TIGD5: variants seen among roughly 807,000 people sequenced by gnomAD.
The protein encoded by TIGD5 is tigger transposable element derived 5.
In TIGD5, 24 loss-of-function variants were observed where a neutral mutation model predicts 28.8. The observed-to-expected ratio is 0.83, with a 90% CI of 0.60 to 1.17. The LOEUF (loss-of-function observed/expected upper bound fraction) is 1.17. Ranked by LOEUF, TIGD5 falls within the 50% of genes most tolerant of loss-of-function variation. The pLI is 0.00. For synonymous variants in TIGD5, 538 were observed against 430.5 expected (o/e 1.25, Z -3.09); for missense variants, 922 against 911.4 (o/e 1.01, Z -0.15).
chr8:143,599,040 G>A lies in TIGD5; in HGVS notation c.1137G>A (p.Val379=). ...CCCTGGACAGCGAGGATGCCCCCGT[G>A]CGGTGCAGGCCGGAGCCCCTCGGTC... ...MPALDSEDAP[V]RCRPEPLGPP... is the part of the protein sequence containing the mutation. The change falls in exon 1 of 1, where the codon GTG becomes GTA. Residue 379 remains valine, a synonymous_variant. Coordinates refer to ENST00000504548, the MANE Select transcript of TIGD5 (RefSeq NM_032862.5). 6.4e-7 allele frequency: 1 copy of A among 1,570,400 alleles called. No individual in the cohort carries two copies. Among genetic ancestry groups the A allele is most frequent in the African/African-American group, 1.3e-5 (1 of 74,272 alleles).
Position 143,600,182 on chromosome 8 carries a change from G to C in TIGD5, c.*350G>C. On this transcript the variant is annotated 3_prime_UTR_variant, in exon 1 of 1. Coordinates refer to ENST00000504548, the MANE Select transcript of TIGD5 (RefSeq NM_032862.5). ...CCTGCACCAGTCACATGCACTGGAC[G>C]AGGGCCGAAACTCCTGTCTGCTATC... 1 of 298,160 alleles carries C rather than the reference G, an allele frequency of 3.4e-6. No homozygotes were observed. Among genetic ancestry groups the C allele is most frequent in the Non-Finnish European group, 6.2e-6 (1 of 161,724 alleles). 18.5% of individuals were successfully genotyped at this position (298,160 alleles called of 1,614,324 possible).
At position 143,602,916 on chromosome 8, in the gene TIGD5, G is replaced by C. The variant is rs941544497; in HGVS notation, c.*3084G>C. ...GACGAGGCCACTGCCTTGGCCCAAG[G>C]ACCTGCAGGCTTGGGGGACCCCCTC... On this transcript the variant is annotated 3_prime_UTR_variant, in exon 1 of 1. Coordinates refer to ENST00000504548, the MANE Select transcript of TIGD5 (RefSeq NM_032862.5). 2.0e-5 allele frequency: 3 copies of C among 152,302 alleles called. No individual in the cohort carries two copies. The highest frequency in any genetic ancestry group is 4.4e-5 in the Non-Finnish European group (3 of 68,082). 9.4% of individuals were successfully genotyped at this position (152,302 alleles called of 1,614,324 possible).
In TIGD5 at chr8:143,599,530, G is replaced by A. The variant is rs776016193; in HGVS notation, c.1627G>A (p.Glu543Lys). ...CCTGGACGATGATGGGGGTCCGCCC[G>A]AGGGCTGCAGGGAGGAGGTGGGCCC... is the stretch of plus-strand genomic sequence containing the variant. Reference protein sequence around the residue: ...LHLDDDGGPPEGCREEVGPAL... With the variant: ...LHLDDDGGPPKGCREEVGPAL... Residue 543 changes from glutamate (E) to lysine (K), a missense_variant, in exon 1 of 1, where the codon GAG becomes AAG. Glu to Lys is a moderately conservative substitution (Grantham distance 56). Coordinates refer to ENST00000504548, the MANE Select transcript of TIGD5 (RefSeq NM_032862.5). The A allele has an allele frequency of 5.7e-6, 9 of 1,581,168 alleles. No homozygotes were observed. In the South Asian group the frequency reaches 8.0e-5, roughly 14 times the overall value.
Position 143,598,605 on chromosome 8 carries a change from G to A in TIGD5, c.702G>A (p.Glu234=). 1.4e-6 allele frequency: 2 copies of A among 1,424,782 alleles called. No homozygotes were observed. The highest frequency in any genetic ancestry group is 6.0e-5 in the East Asian group (2 of 33,394). The allele number at this position is 1,424,782 out of a possible 1,614,324, so 88.3% of individuals were successfully genotyped here. The stretch of plus-strand genomic sequence containing the variant: ...CGGCCGAGGGCGGCTACGGGGACGA[G>A]CAGATTTACAGCGCCAGCGTCACCG... ...PPPAEGGYGD[E]QIYSASVTGL... The change falls in exon 1 of 1, where the codon GAG becomes GAA. Residue 234 remains glutamate, a synonymous_variant. Coordinates refer to ENST00000504548, the MANE Select transcript of TIGD5 (RefSeq NM_032862.5). The surrounding 1 kb of genome is among the most constrained non-coding windows in gnomAD (Gnocchi z 6.6).
rs774032055 is a variant in TIGD5, at chr8:143,599,373, C to T, written c.1470C>T (p.Gly490=). The change falls in exon 1 of 1, where the codon GGC becomes GGT. Residue 490 remains glycine, a synonymous_variant. Transcript: ENST00000504548. ...GLRAAFEPRP[G]EDSAGQPAQA... The stretch of plus-strand genomic sequence containing the variant: ...GGGCTGCCTTCGAGCCCCGGCCCGG[C>T]GAGGACAGTGCTGGGCAGCCGGCCC... 14 of 1,572,452 alleles carry T rather than the reference C, an allele frequency of 8.9e-6. No individual in the cohort carries two copies. Among genetic ancestry groups the T allele is most frequent in the East Asian group, 4.7e-5 (2 of 42,422 alleles).
rs1422142957 is a variant in TIGD5 at position 143,600,754 on chromosome 8, G to A, written c.*922G>A. 2 of 152,324 alleles carry A rather than the reference G, an allele frequency of 1.3e-5. No homozygotes were observed. The highest frequency in any genetic ancestry group is 1.9e-4 in the East Asian group (1 of 5,194). 9.4% of individuals were successfully genotyped at this position (152,324 alleles called of 1,614,324 possible). On this transcript the variant is annotated 3_prime_UTR_variant, in exon 1 of 1. Coordinates refer to ENST00000504548, the MANE Select transcript of TIGD5 (RefSeq NM_032862.5). ...CCTCAGACTTTTCTGCCTCTCCTGG[G>A]ACTGCCAAGGATGTGGCTGACAAGC...
rs530101458 is a variant in TIGD5, at chr8:143,599,480, C to A, written c.1577C>A (p.Pro526Gln). The change falls in exon 1 of 1, where the codon CCG becomes CAG. Residue 526 changes from proline to glutamine, a missense_variant. Physicochemically the swap from Pro to Gln is moderately conservative, Grantham distance 76 (BLOSUM62 -1). Coordinates refer to ENST00000504548, the MANE Select transcript of TIGD5 (RefSeq NM_032862.5). ...LAALAYKCLA[P>Q]EEVAEWLHLD... Reference sequence around the variant, plus strand: ...GCTCTGGCCTACAAGTGCCTGGCTCCGGAGGAGGTTGCGGAGTGGCTGCAC... The same window carrying A: ...GCTCTGGCCTACAAGTGCCTGGCTCAGGAGGAGGTTGCGGAGTGGCTGCAC... 11 of 1,592,242 alleles carry A rather than the reference C, an allele frequency of 6.9e-6. No individual in the cohort carries two copies. The African/African-American group carries it at 1.2e-4, about 17-fold the overall frequency.
chr8:143,599,979 G>A lies in TIGD5; in HGVS notation c.*147G>A. On this transcript the variant is annotated 3_prime_UTR_variant, in exon 1 of 1. Coordinates refer to ENST00000504548, the MANE Select transcript of TIGD5 (RefSeq NM_032862.5). ...AATCCAAATCCAGCATGGCTTGGAG[G>A]AGCTCTGTTGGTGAGAGGTCGCCCT... 1 of 942,760 alleles carries A rather than the reference G, an allele frequency of 1.1e-6. No individual in the cohort carries two copies. Among genetic ancestry groups the A allele is most frequent in the Non-Finnish European group, 1.4e-6 (1 of 703,568 alleles). 58.4% of individuals were successfully genotyped at this position (942,760 alleles called of 1,614,324 possible). A position where few individuals can be genotyped will look rare whatever the true frequency, so the allele number is the denominator to read the frequency against.
chr8:143,598,071 C>T lies in TIGD5; in HGVS notation c.168C>T (p.Tyr56=). 1.3e-6 allele frequency: 2 copies of T among 1,503,826 alleles called. No homozygotes were observed. The highest frequency in any genetic ancestry group is 1.8e-6 in the Non-Finnish European group (2 of 1,131,788). 93.2% of individuals were successfully genotyped at this position (1,503,826 alleles called of 1,614,324 possible). A position where few individuals can be genotyped will look rare whatever the true frequency, so the allele number is the denominator to read the frequency against. Residue 56 remains tyrosine, a synonymous_variant, in exon 1 of 1, where the codon TAC becomes TAT. Coordinates refer to ENST00000504548, the MANE Select transcript of TIGD5 (RefSeq NM_032862.5). This position sits in a 1 kb window ranked among gnomAD's most constrained non-coding sequence, Gnocchi z 6.6. ...VAVKMAFRKA[Y]SIKDKLQAIE... The stretch of plus-strand genomic sequence containing the variant: ...TGAAGATGGCCTTCCGCAAGGCCTA[C>T]TCCATCAAGGACAAGCTGCAGGCCA...
chr8:143,598,203 G>A lies in TIGD5; in HGVS notation c.300G>A (p.Trp100Ter), dbSNP rs369540104. The change falls in exon 1 of 1, where the codon TGG becomes TGA. Residue 100 changes from tryptophan to a stop codon, truncating the protein, a stop_gained. Coordinates refer to ENST00000504548, the MANE Select transcript of TIGD5 (RefSeq NM_032862.5). LOFTEE classifies it high-confidence loss of function. This position sits in a 1 kb window ranked among gnomAD's most constrained non-coding sequence, Gnocchi z 6.6. ...TCAAGGACGAGCCCAAGCTGCGCTG[G>A]TTCCTGGAGCAGCTGGGCGGTGAGG... ...GWLKDEPKLR[W>*]FLEQLGGEVG... 21 of 1,607,358 alleles carry A rather than the reference G, an allele frequency of 1.3e-5. No individual in the cohort carries two copies. Among genetic ancestry groups the A allele is most frequent in the Non-Finnish European group, 1.7e-5 (20 of 1,177,832 alleles).
Position 143,598,860 on chromosome 8 carries a change from C to A in TIGD5, c.957C>A (p.Pro319=). Residue 319 remains proline (P), a synonymous_variant, in exon 1 of 1, where the codon CCC becomes CCA. Coordinates refer to ENST00000504548, the MANE Select transcript of TIGD5 (RefSeq NM_032862.5). This position sits in a 1 kb window ranked among gnomAD's most constrained non-coding sequence, Gnocchi z 6.6. ...DKFPASYRYS[P]DAWLSRPLLR... Reference sequence around the variant, plus strand: ...TCCCGGCCTCCTACCGCTACAGCCCCGACGCCTGGCTCAGCCGCCCGCTGC... The same window carrying A: ...TCCCGGCCTCCTACCGCTACAGCCCAGACGCCTGGCTCAGCCGCCCGCTGC... 1 of 1,600,428 alleles carries A rather than the reference C, an allele frequency of 6.2e-7. No individual in the cohort carries two copies.
Position 143,598,233 on chromosome 8 carries a change from C to T in TIGD5, c.330C>T (p.Gly110=). 6.2e-7 allele frequency: 1 copy of T among 1,608,352 alleles called. No homozygotes were observed. The highest frequency in any genetic ancestry group is 2.3e-5 in the East Asian group (1 of 44,374). ...WFLEQLGGEV[G]TQRKKMRLAN... is the part of the protein sequence containing the mutation. ...TGGAGCAGCTGGGCGGTGAGGTGGGCACTCAGCGCAAGAAGATGCGGCTGG... is the reference window on the plus strand; with the variant it reads ...TGGAGCAGCTGGGCGGTGAGGTGGGTACTCAGCGCAAGAAGATGCGGCTGG... The change falls in exon 1 of 1, where the codon GGC becomes GGT. Residue 110 remains glycine, a synonymous_variant. Coordinates refer to ENST00000504548, the MANE Select transcript of TIGD5 (RefSeq NM_032862.5). This position sits in a 1 kb window ranked among gnomAD's most constrained non-coding sequence, Gnocchi z 6.6.
In TIGD5 at chr8:143,598,243, A is replaced by C. The variant is rs748517396; in HGVS notation, c.340A>C (p.Lys114Gln). The C allele has an allele frequency of 6.2e-7, 1 of 1,609,542 alleles. No homozygotes were observed. Among genetic ancestry groups the C allele is most frequent in the Admixed American group, 1.7e-5 (1 of 59,866 alleles). The stretch of plus-strand genomic sequence containing the variant: ...GGGCGGTGAGGTGGGCACTCAGCGC[A>C]AGAAGATGCGGCTGGCCAACGAGGA... ...QLGGEVGTQR[K>Q]KMRLANEEEI... is the part of the protein sequence containing the mutation. Residue 114 changes from lysine (K) to glutamine (Q), a missense_variant, in exon 1 of 1, where the codon AAG (lysine) becomes CAG (glutamine). Lys to Gln is a moderately conservative substitution (Grantham distance 53). Transcript: ENST00000504548. This position sits in a 1 kb window ranked among gnomAD's most constrained non-coding sequence, Gnocchi z 6.6.
chr8:143,597,974 C>T lies in TIGD5; in HGVS notation c.71C>T (p.Ala24Val), dbSNP rs1829117082. 9 of 929,806 alleles carry T rather than the reference C, an allele frequency of 9.7e-6. No individual in the cohort carries two copies. Among genetic ancestry groups the T allele is most frequent in the African/African-American group, 1.8e-5 (1 of 55,506 alleles). 57.6% of individuals were successfully genotyped at this position (929,806 alleles called of 1,614,324 possible). Residue 24 changes from alanine to valine, a missense_variant, in exon 1 of 1, where the codon GCG becomes GTG. Transcript: ENST00000504548. ...CGCCGTCCCCTGCCCGGGCCCCCCG[C>T]GCCCGCCCCAGCCCCCGTCCCCGCT... ...RGRRPLPGPP[A>V]PAPAPVPAAR...
rs1248402890 is a variant in TIGD5 at position 143,599,662 on chromosome 8, A to G, written c.1759A>G (p.Thr587Ala). 6.6e-7 allele frequency: 1 copy of G among 1,518,992 alleles called. No individual in the cohort carries two copies. The highest frequency in any genetic ancestry group is 2.3e-5 in the East Asian group (1 of 43,710). The allele number at this position is 1,518,992 out of a possible 1,614,324, so 94.1% of individuals were successfully genotyped here. ...ATDYGGTSVP[T>A]AGEAVRGLET... is the part of the protein sequence containing the mutation. ...CGACTATGGAGGGACCTCAGTGCCG[A>G]CTGCCGGGGAGGCCGTGCGGGGGCT... The change falls in exon 1 of 1, where the codon ACT becomes GCT. Residue 587 changes from threonine (T) to alanine (A), a missense_variant. Physicochemically the swap from Thr to Ala is moderately conservative, Grantham distance 58. This residue lies in a region of TIGD5 where 821 missense variants were observed against 815.2 expected (regional missense o/e 1.01). Coordinates refer to ENST00000504548, the MANE Select transcript of TIGD5 (RefSeq NM_032862.5).
In TIGD5 at chr8:143,601,212, G is replaced by A. The variant is rs1480567503; in HGVS notation, c.*1380G>A. On this transcript the variant is annotated 3_prime_UTR_variant, in exon 1 of 1. Transcript: ENST00000504548. ...TTCCTTGGAACTGCCCGCAAGTGAA[G>A]AAATATATACATATATATGTATATA... The A allele has an allele frequency of 2.0e-5, 3 of 152,296 alleles. No homozygotes were observed. The highest frequency in any genetic ancestry group is 4.1e-4 in the South Asian group (2 of 4,830). The allele number at this position is 152,296 out of a possible 1,614,324, so 9.4% of individuals were successfully genotyped here.
chr8:143,599,718 G>T lies in TIGD5; in HGVS notation c.1815G>T (p.Gln605His). The change falls in exon 1 of 1, where the codon CAG becomes CAT. Residue 605 changes from glutamine to histidine, a missense_variant. Coordinates refer to ENST00000504548, the MANE Select transcript of TIGD5 (RefSeq NM_032862.5). ...CAGCTCTGCGGTGGCTGGAGAACCAGGACCCCAGAGAGGTGGGGCCACTGA... is the reference window on the plus strand; with the variant it reads ...CAGCTCTGCGGTGGCTGGAGAACCATGACCCCAGAGAGGTGGGGCCACTGA... ...LETALRWLEN[Q>H]DPREVGPLRL... 6.6e-7 allele frequency: 1 copy of T among 1,508,140 alleles called. No homozygotes were observed. The allele number at this position is 1,508,140 out of a possible 1,614,324, so 93.4% of individuals were successfully genotyped here.
At position 143,598,383 on chromosome 8, in the gene TIGD5, G is replaced by A. The variant is rs1302849076; in HGVS notation, c.480G>A (p.Gly160=). 1.9e-6 allele frequency: 3 copies of A among 1,562,604 alleles called. No homozygotes were observed. The highest frequency in any genetic ancestry group is 1.2e-5 in the South Asian group (1 of 86,872). ...AGGCCTTCGCGCGCCAGATCTACGG[G>A]CCCGAGTGCACCTTCAAGGCCAGCC... The part of the protein sequence containing the change: ...QAEAFARQIY[G]PECTFKASHG... The change falls in exon 1 of 1, where the codon GGG becomes GGA. Residue 160 remains glycine, a synonymous_variant. Coordinates refer to ENST00000504548, the MANE Select transcript of TIGD5 (RefSeq NM_032862.5). The surrounding 1 kb of genome is among the most constrained non-coding windows in gnomAD (Gnocchi z 6.6).
At position 143,602,147 on chromosome 8, in the gene TIGD5, C is replaced by A. The variant is rs1272161182; in HGVS notation, c.*2315C>A. 6.6e-6 allele frequency: 1 copy of A among 150,828 alleles called. No homozygotes were observed. Among genetic ancestry groups the A allele is most frequent in the African/African-American group, 2.4e-5 (1 of 41,018 alleles). 9.3% of individuals were successfully genotyped at this position (150,828 alleles called of 1,614,324 possible). On this transcript the variant is annotated 3_prime_UTR_variant, in exon 1 of 1. Transcript: ENST00000504548. ...GCACGCTGGTGGGGACATTAGGAGC[C>A]TGTCAAGAGTGGGTCTGCCTGCTGG...
Sources: allele counts gnomAD v4.1 joint callset, GRCh38; gene constraint gnomAD v4.1.1; regional missense constraint gnomAD v4.1.1; non-coding constraint Gnocchi (gnomAD v3.1); transcripts MANE v1.5; gene names NCBI Gene and HGNC (gene_info 2026-07-23, HGNC 2026-07-21).